Variants in ENSA observed in about 807,000 individuals in gnomAD.
The protein encoded by ENSA is endosulfine alpha, also known as alpha-endosulfine.
Under a neutral mutation model 16.8 loss-of-function variants are expected in ENSA, and 7 were observed. The ratio of observed to expected loss-of-function variants is 0.42; its 90% CI spans 0.24 to 0.78. The LOEUF is 0.78. Among genes scored for constraint, ENSA ranks in the 30% least tolerant of loss-of-function variants. The probability of loss-of-function intolerance (pLI) is 0.29; values close to 1 mark genes in which losing one functional copy is unlikely to be tolerated. For synonymous variants in ENSA, 58 were observed against 53.4 expected, an observed-to-expected ratio of 1.09 and a Z score of -0.37; for missense variants, 87 against 142.3, an observed-to-expected ratio of 0.61 and a Z score of 1.98.
chr1:150,629,491 G>C lies in ENSA; in HGVS notation c.-21C>G. The C allele has an allele frequency of 6.2e-7, 1 of 1,610,136 alleles. No homozygotes were observed. On this transcript the variant is annotated 5_prime_UTR_variant, in exon 1 of 4. Transcript: ENST00000369014. ...GACATGGCGGGACCGGGACTGTGGAGTGTAAGGGGCCCGGGAAGGCAACCG... is the reference window on the plus strand; with the variant it reads ...GACATGGCGGGACCGGGACTGTGGACTGTAAGGGGCCCGGGAAGGCAACCG...
chr1:150,623,162 A>G, intron 3 of ENSA: 8 of 1,199,044 alleles, frequency 6.7e-6, no homozygotes, highest in Non-Finnish European at 8.3e-6. Flanking sequence ...CAGGTGGGTA[A>G]GCTGCCTGGC....
In ENSA at chr1:150,622,730, C is replaced by T. The variant is rs587638267; in HGVS notation, c.*114G>A. The T allele has an allele frequency of 1.3e-5, 16 of 1,228,774 alleles. No individual in the cohort carries two copies. The highest frequency in any genetic ancestry group is 2.6e-5 in the East Asian group (1 of 38,390). 76.1% of individuals were successfully genotyped at this position (1,228,774 alleles called of 1,614,324 possible). A position where few individuals can be genotyped will look rare whatever the true frequency, so the allele number is the denominator to read the frequency against. On this transcript the variant is annotated 3_prime_UTR_variant, in exon 4 of 4. Transcript: ENST00000369014. ...GGCTTCTGCCTCTCCAGCCCACACC[C>T]GAGCCACCTCCTGACCCCTGGCTGC...
intron 1 of ENSA, 125 bp downstream of exon 1, chr1:150,629,289 G>C (rs1649574172): frequency 6.6e-7 from 1 of 1,515,526 alleles, no homozygotes; most frequent in South Asian, 1.2e-5. Flanking sequence ...CACCCAGCGT[G>C]ACGCAAAAAG....
chr1:150,626,534 C>A, intron 2 of ENSA: 1 of 1,612,794 alleles, frequency 6.2e-7, no homozygotes, highest in South Asian at 1.1e-5. Context: ...ATCCTACAGT[C>A]ATTGCAGAGG....
chr1:150,622,781 C>A lies in ENSA; in HGVS notation c.*63G>T. ...AAAAGCAGGAAGGGGCAGGAGCCAG[C>A]ACAGGACCCGGGTGGGGCAGGGAGG... On this transcript the variant is annotated 3_prime_UTR_variant, in exon 4 of 4. Coordinates refer to ENST00000369014, the MANE Select transcript of ENSA (RefSeq NM_004436.4). 1 of 1,540,774 alleles carries A rather than the reference C, an allele frequency of 6.5e-7. No individual in the cohort carries two copies. The highest frequency in any genetic ancestry group is 8.8e-7 in the Non-Finnish European group (1 of 1,141,640).
At chr1:150,625,901 T>G (rs141259566) in intron 2 of ENSA, 93 bp from the exon 3 acceptor site, 2 of 1,477,470 alleles carry the variant, frequency 1.4e-6, no homozygotes, top group Non-Finnish European at 1.8e-6. Flanking sequence ...TAAACCCTCA[T>G]GCACACTCGG....
At position 150,627,547 on chromosome 1, in the gene ENSA, C is replaced by T. The variant is rs1649432572; in HGVS notation, c.103G>A (p.Ala35Thr). 2 of 1,613,906 alleles carry T rather than the reference C, an allele frequency of 1.2e-6. No individual in the cohort carries two copies. Among genetic ancestry groups the T allele is most frequent in the African/African-American group, 1.3e-5 (1 of 74,900 alleles). The change falls in exon 2 of 4, where the codon GCA becomes ACA. Residue 35 changes from alanine (A) to threonine (T), a missense_variant. Transcript: ENST00000369014. ...EGILPERAEE[A>T]KLKAKYPSLG... ...CTTGGGTATTTGGCCTTTAGCTTTG[C>T]CTCTTCAGCTCTCTCAGGCAGAATA...
chr1:150,625,367 A>G, intron 3 of ENSA: 1 of 1,125,812 alleles, frequency 8.9e-7, no homozygotes, highest in Non-Finnish European at 1.1e-6. Flanking sequence ...TTTCTCACAC[A>G]AAAAAAGCAT....
At position 150,626,962 on chromosome 1, in the gene ENSA, G is replaced by A. The variant is rs1239305766; in HGVS notation, c.183+505C>T. 6.2e-6 allele frequency: 5 copies of A among 807,666 alleles called. No individual in the cohort carries two copies. The African/African-American group carries it at 9.3e-5, about 15-fold the overall frequency. The allele number at this position is 807,666 out of a possible 1,614,324, so 50.0% of individuals were successfully genotyped here. On this transcript the variant is annotated intron_variant, in intron 2 of 3. Coordinates refer to ENST00000369014, the MANE Select transcript of ENSA (RefSeq NM_004436.4). Reference sequence around the variant, plus strand: ...AAAGTAGACTCTCTCTTGGTAAGGAGGACCACTCTGAACAAGAAAAATACA... The same window carrying A: ...AAAGTAGACTCTCTCTTGGTAAGGAAGACCACTCTGAACAAGAAAAATACA...
At chr1:150,625,072 T>C in intron 3 of ENSA, 2 of 985,384 alleles carry the variant, frequency 2.0e-6, no homozygotes, top group Non-Finnish European at 1.2e-6. Flanking sequence ...GAGCAAACTG[T>C]AAGAGATACT....
chr1:150,627,422 C>G, intron 2 of ENSA, 45 bp downstream of exon 2: 2 of 1,614,188 alleles, frequency 1.2e-6, no homozygotes. Flanking sequence ...TTCGAAGAAC[C>G]TCCTTTAGCT....
intron 2 of ENSA, among the ~76,000 whole-genome samples, chr1:150,626,846 A>AT (rs1015929180): frequency 2.0e-5 from 3 of 150,948 alleles, no homozygotes; most frequent in East Asian, 1.9e-4. Context: ...GCCTGGCCAA[A>AT]TTTTTTTTTT....
rs916515248 is a variant in ENSA at position 150,623,735 on chromosome 1, G to C, written c.351-876C>G. On this transcript the variant is annotated intron_variant, in intron 3 of 3. Transcript: ENST00000369014. ...TTCAGCATTTTCCCCTTCCCAGATGGACTTTAAGGATGACAGCATGAGGAA... is the reference window on the plus strand; with the variant it reads ...TTCAGCATTTTCCCCTTCCCAGATGCACTTTAAGGATGACAGCATGAGGAA... The C allele has an allele frequency of 5.1e-6, 5 of 985,722 alleles. No individual in the cohort carries two copies. The African/African-American group carries it at 5.2e-5, about 10-fold the overall frequency. 61.1% of individuals were successfully genotyped at this position (985,722 alleles called of 1,614,324 possible). A position where few individuals can be genotyped will look rare whatever the true frequency, so the allele number is the denominator to read the frequency against.
At position 150,627,504 on chromosome 1, in the gene ENSA, C is replaced by T. The variant is rs1309370765; in HGVS notation, c.146G>A (p.Gly49Glu). The T allele has an allele frequency of 6.2e-7, 1 of 1,614,220 alleles. No homozygotes were observed. The highest frequency in any genetic ancestry group is 1.1e-5 in the South Asian group (1 of 91,086). The change falls in exon 2 of 4, where the codon GGA becomes GAA. Residue 49 changes from glycine to glutamate, a missense_variant. Coordinates refer to ENST00000369014, the MANE Select transcript of ENSA (RefSeq NM_004436.4). ...TCTCTTCATGAGGAAGTCGGAGCCT[C>T]CAGGCTTTTGTCCTAGGCTTGGGTA... ...AKYPSLGQKP[G>E]GSDFLMKRLQ...
chr1:150,624,175 CT>C (rs2101737015), intron 3 of ENSA: 1 of 985,506 alleles, frequency 1.0e-6, no homozygotes, highest in African/African-American at 1.7e-5. Context: ...TTTCCTCCAC[CT>C]GTTCATGAGT....
At chr1:150,625,523 TCA>T in intron 3 of ENSA, 117 bp downstream of exon 3, 3 of 1,433,058 alleles carry the variant, frequency 2.1e-6, no homozygotes, top group Non-Finnish European at 1.8e-6. Context: ...CCCAGCAGAA[TCA>T]CAGTCATTTC....
At chr1:150,626,718 G>A (rs944529674) in intron 2 of ENSA, among the ~76,000 whole-genome samples, 2 of 152,138 alleles carry the variant, frequency 1.3e-5, no homozygotes, top group Admixed American at 1.3e-4. Flanking sequence ...CACCACACCC[G>A]GCTAAGTGTT....
Position 150,627,566 on chromosome 1 carries a change from C to A in ENSA, c.84G>T (p.Leu28=). 3 of 1,612,888 alleles carry A rather than the reference C, an allele frequency of 1.9e-6. No homozygotes were observed. Among genetic ancestry groups the A allele is most frequent in the Non-Finnish European group, 2.5e-6 (3 of 1,179,696 alleles). The change falls in exon 2 of 4, where the codon CTG becomes CTT. Residue 28 remains leucine, a synonymous_variant. Transcript: ENST00000369014. ...KQDTQEKEGI[L]PERAEEAKLK... ...GCTTTGCCTCTTCAGCTCTCTCAGGCAGAATACCTTCTTTCTCCTGCGTGT... is the reference window on the plus strand; with the variant it reads ...GCTTTGCCTCTTCAGCTCTCTCAGGAAGAATACCTTCTTTCTCCTGCGTGT...
chr1:150,625,393 A>G (rs1003169933), intron 3 of ENSA: 25 of 1,200,528 alleles, frequency 2.1e-5, no homozygotes, highest in Non-Finnish European at 2.3e-5. Context: ...GCATTATCCA[A>G]TCCTAGCCTT....
Sources: allele counts gnomAD v4.1 joint callset (sites outside exome capture counted in the v4.1 genomes callset), GRCh38; gene constraint gnomAD v4.1.1; transcripts MANE v1.5; gene names NCBI Gene and HGNC (gene_info 2026-07-23, HGNC 2026-07-21).